CD99L2: variants seen among roughly 807,000 people sequenced by gnomAD.
The protein encoded by CD99L2 is CD99 molecule like 2.
Under a neutral mutation model 27.3 loss-of-function variants are expected in CD99L2, and 24 were observed. The observed-to-expected ratio is 0.88, with a 90% confidence interval of 0.64 to 1.24. The LOEUF (loss-of-function observed/expected upper bound fraction) is 1.24. Among genes scored for constraint, CD99L2 ranks in the 50% most tolerant of loss-of-function variants. The pLI, the probability that CD99L2 is intolerant of heterozygous loss-of-function variation, is 0.00. For missense variants in CD99L2, 255 were observed against 221.6 expected, an observed-to-expected ratio of 1.15 and a Z score of -0.96; for synonymous variants, 97 against 87.9, an observed-to-expected ratio of 1.10 and a Z score of -0.58.
intron 1 of CD99L2, among the ~76,000 whole-genome samples, chrX:150,875,454 A>C (rs2047214228): frequency 8.9e-6 from 1 of 112,039 alleles, no homozygotes; most frequent in Admixed American, 9.5e-5. Flanking sequence ...ATAAAGAACA[A>C]GTTTAATCCC....
At chrX:150,797,108 T>C (rs1371118733) in intron 4 of CD99L2, among the ~76,000 whole-genome samples, 1 of 109,852 alleles carries the variant, frequency 9.1e-6, no homozygotes, top group Non-Finnish European at 1.9e-5. Context: ...GCTAGCTAGA[T>C]ACTAGAAAAA....
chrX:150,785,952 A>C (rs1459980231), intron 7 of CD99L2, among the ~76,000 whole-genome samples: 1 of 111,294 alleles, frequency 9.0e-6, no homozygotes, highest in Non-Finnish European at 1.9e-5. Flanking sequence ...TTCTTTTATA[A>C]GTCTTTTGTT....
At chrX:150,856,619 A>G (rs1292664199) in intron 1 of CD99L2, among the ~76,000 whole-genome samples, 1 of 109,721 alleles carries the variant, frequency 9.1e-6, no homozygotes, top group Non-Finnish European at 1.9e-5. Context: ...ACGCTGTGTG[A>G]TCCCATTTCT....
At chrX:150,877,959 TAC>T (rs72172934) in intron 1 of CD99L2, among the ~76,000 whole-genome samples, 32,750 of 82,424 alleles carry the variant, frequency 0.4, 5,606 homozygotes, top group East Asian at 0.54. Context: ...CTCAAACACA[TAC>T]ACACACACAC....
In CD99L2 at chrX:150,795,419, T is replaced by C. The variant is rs987009438; in HGVS notation, c.345A>G (p.Leu115=). ...PVTTRAPANT[L]GNDFDLADAL... is the part of the protein sequence containing the mutation. Reference sequence around the variant, plus strand: ...CTCTCCTCAGAGCGGCCACCTTACCTAAAGTATTTGCTGGAGCTCTGGTGG... The same window carrying C: ...CTCTCCTCAGAGCGGCCACCTTACCCAAAGTATTTGCTGGAGCTCTGGTGG... Residue 115 remains leucine, a splice_region_variant and synonymous_variant, in exon 5 of 11, where the codon TTA becomes TTG. Transcript: ENST00000370377. 2 of 1,209,715 alleles carry C rather than the reference T, an allele frequency of 1.7e-6. No individual in the cohort carries two copies. The highest frequency in any genetic ancestry group is 3.5e-5 in the African/African-American group (2 of 57,095).
At chrX:150,850,089 G>C (rs959833224) in intron 1 of CD99L2, among the ~76,000 whole-genome samples, 3 of 111,665 alleles carry the variant, frequency 2.7e-5, no homozygotes, top group Non-Finnish European at 5.6e-5. Flanking sequence ...GATGTTCTGA[G>C]GACACAACAA....
intron 6 of CD99L2, 113 bp from the exon 7 acceptor site, chrX:150,793,869 G>T: frequency 1.8e-6 from 1 of 570,220 alleles, no homozygotes; most frequent in Non-Finnish European, 2.7e-6. Flanking sequence ...ACTTAAGAAT[G>T]CCCTTCATGA....
intron 1 of CD99L2, among the ~76,000 whole-genome samples, chrX:150,848,848 T>C (rs1199758453): frequency 9.0e-6 from 1 of 111,070 alleles, no homozygotes; most frequent in Non-Finnish European, 1.9e-5. Flanking sequence ...TTTTGGAAAG[T>C]TTTTTGTGTT....
rs782109872 is a variant in CD99L2, at chrX:150,769,752, CAGG to C, written c.721+549_721+551del. On this transcript the variant is annotated intron_variant, in intron 10 of 10. Coordinates refer to ENST00000370377, the MANE Select transcript of CD99L2 (RefSeq NM_031462.4). Reference sequence around the variant, plus strand: ...CCTCCTCATTGGCATCCCGTGGGCACAGGTCATATCTGCCTCGAGCAGTTGGGC... The same window carrying C: ...CCTCCTCATTGGCATCCCGTGGGCACTCATATCTGCCTCGAGCAGTTGGGC... Among the ~76,000 whole-genome samples the C allele has an allele frequency of 2.5e-4, 27 of 107,391 alleles. No homozygotes were observed. The East Asian group carries it at 0.011, about 42-fold the overall frequency. 93.3% of individuals were successfully genotyped at this position (107,391 alleles called of 115,157 possible).
chrX:150,896,847 A>T (rs1354460648), intron 1 of CD99L2, among the ~76,000 whole-genome samples: 6 of 112,262 alleles, frequency 5.3e-5, no homozygotes, highest in Non-Finnish European at 1.1e-4. Context: ...TCGCTGTGTG[A>T]CCTAAGGCAA....
At chrX:150,783,299 A>C (rs1050177203) in intron 7 of CD99L2, among the ~76,000 whole-genome samples, 10 of 110,595 alleles carry the variant, frequency 9.0e-5, no homozygotes, top group Non-Finnish European at 1.7e-4. Flanking sequence ...CTTAAAGTAT[A>C]TCTCTCTCTC....
At chrX:150,825,039 A>ATATT (rs1404443987) in intron 2 of CD99L2, among the ~76,000 whole-genome samples, 3 of 112,246 alleles carry the variant, frequency 2.7e-5, no homozygotes, top group Non-Finnish European at 5.6e-5. Context: ...ATCTATGTAT[A>ATATT]TATTTAATCT....
chrX:150,788,475 C>T (rs1290477230), intron 7 of CD99L2, among the ~76,000 whole-genome samples: 5 of 111,164 alleles, frequency 4.5e-5, no homozygotes, highest in African/African-American at 1.6e-4. Flanking sequence ...AACCGCTTAG[C>T]TGGTCATCCC....
Position 150,898,581 on chromosome X carries a change from G to C in CD99L2, c.8C>G (p.Ala3Gly). ...GCAGACAAGGAACGCCGAGCGCCAG[G>C]CCACCATGGCTGGGAGCAGGCGGAG... The part of the protein sequence containing the change: MV[A>G]WRSAFLVCLA... The change falls in exon 1 of 11, where the codon GCC becomes GGC. Residue 3 changes from alanine to glycine, a missense_variant. Coordinates refer to ENST00000370377, the MANE Select transcript of CD99L2 (RefSeq NM_031462.4). The C allele has an allele frequency of 9.0e-7, 1 of 1,111,984 alleles. No homozygotes were observed. The highest frequency in any genetic ancestry group is 1.2e-6 in the Non-Finnish European group (1 of 848,836). 91.6% of individuals were successfully genotyped at this position (1,111,984 alleles called of 1,213,427 possible).
chrX:150,806,609 G>T (rs2045997589), intron 4 of CD99L2, among the ~76,000 whole-genome samples: 1 of 112,256 alleles, frequency 8.9e-6, no homozygotes, highest in South Asian at 3.7e-4. Context: ...GGCAGTAGAA[G>T]GCCGGGCGTG....
intron 7 of CD99L2, among the ~76,000 whole-genome samples, chrX:150,786,234 T>G (rs113106456): frequency 0.2 from 22,066 of 110,029 alleles, 1,608 homozygotes; most frequent in Middle Eastern, 0.29. Context: ...TTTTAAAAAA[T>G]TTTAGGTTCA....
At chrX:150,818,999 T>C (rs2046206742) in intron 2 of CD99L2, 1 of 319,871 alleles carries the variant, frequency 3.1e-6, no homozygotes, top group Non-Finnish European at 6.0e-6. Context: ...CAGGAGAAAC[T>C]TGATGATGAG....
chrX:150,871,863 T>C (rs11796789), intron 1 of CD99L2, among the ~76,000 whole-genome samples: 20,592 of 111,196 alleles, frequency 0.19, 1,448 homozygotes, highest in African/African-American at 0.25. Context: ...ATGAAAGAGC[T>C]AGAAACAAAA....
chrX:150,893,563 G>A (rs2047554951), intron 1 of CD99L2, among the ~76,000 whole-genome samples: 1 of 108,268 alleles, frequency 9.2e-6, no homozygotes, highest in Non-Finnish European at 1.9e-5. Flanking sequence ...CAATCCAGGG[G>A]TAACATGTTG....
Sources: gnomAD v4.1 joint callset for allele counts (sites outside exome capture counted in the v4.1 genomes callset) on GRCh38, gnomAD v4.1.1 for gene constraint, MANE v1.5 for transcripts, NCBI Gene and HGNC (gene_info 2026-07-23, HGNC 2026-07-21) for gene names.